HSPG2: variants seen among roughly 807,000 people sequenced by gnomAD.
HSPG2 encodes the protein basement membrane-specific heparan sulfate proteoglycan core protein.
A neutral mutation model predicts 526.6 loss-of-function variants in HSPG2; 278 were observed. That is an observed-to-expected ratio of 0.53 (90% CI 0.48 to 0.58). The LOEUF (loss-of-function observed/expected upper bound fraction) is 0.58. HSPG2 is among the 20% of genes least tolerant of loss of function. The pLI is 0.00. For missense variants in HSPG2, 5,354 were observed against 6,099.5 expected (o/e 0.88, Z 4.07); for synonymous variants, 2,465 against 2,555.4 (o/e 0.96, Z 1.07).
Position 21,823,390 on chromosome 1 carries a change from C to T in HSPG2, c.13102G>A (p.Ala4368Thr), listed in dbSNP as rs770990961. The stretch of plus-strand genomic sequence containing the variant: ...AGGTCCAGGGGCTGTGGGGGCGGGG[C>T]GCCGGGTCGGGCCGAGTGCAGCACC... Reference protein sequence around the residue: ...NLVLHSARPGAPPPQPLDLQH... With the variant: ...NLVLHSARPGTPPPQPLDLQH... The change falls in exon 97 of 97, where the codon GCC becomes ACC. Residue 4368 changes from alanine (A) to threonine (T), a missense_variant. Physicochemically the swap from Ala to Thr is moderately conservative, Grantham distance 58. Coordinates refer to ENST00000374695, the MANE Select transcript of HSPG2 (RefSeq NM_005529.7). 11 of 1,558,622 alleles carry T rather than the reference C, an allele frequency of 7.1e-6. No homozygotes were observed. Among genetic ancestry groups the T allele is most frequent in the Admixed American group, 1.9e-5 (1 of 53,628 alleles).
At position 21,896,243 on chromosome 1, in the gene HSPG2, C is replaced by T. The variant is rs777743489; in HGVS notation, c.131G>A (p.Ser44Asn). Residue 44 changes from serine to asparagine, a missense_variant, in exon 2 of 97, where the codon AGC becomes AAC. By Grantham distance (46) the Ser-to-Asn change is conservative. Coordinates refer to ENST00000374695, the MANE Select transcript of HSPG2 (RefSeq NM_005529.7). ...LPEDIETVTASQMRWTHSYLS... is the reference protein window; with the variant it reads ...LPEDIETVTANQMRWTHSYLS... ...GTACGAATGTGTCCAGCGCATTTGG[C>T]TTGCTGTGACGGTCTCTATGTCCTC... 2 of 1,614,050 alleles carry T rather than the reference C, an allele frequency of 1.2e-6. No individual in the cohort carries two copies. Among genetic ancestry groups the T allele is most frequent in the South Asian group, 2.2e-5 (2 of 91,080 alleles).
At chr1:21,878,308 C>A (rs769360922) in intron 20 of HSPG2, 55 bp from the exon 21 acceptor site, 1 of 1,595,034 alleles carries the variant, frequency 6.3e-7, no homozygotes. Context: ...ATACGTGGTC[C>A]GGGCAGATAG....
rs955232455 is a variant in HSPG2 at position 21,883,915 on chromosome 1, A to G, written c.1654+613T>C. 2.0e-5 allele frequency among the ~76,000 whole-genome samples: 3 copies of G among 152,230 alleles called. No homozygotes were observed. In the South Asian group the frequency reaches 6.2e-4, roughly 32 times the overall value. On this transcript the variant is annotated intron_variant, in intron 13 of 96. Transcript: ENST00000374695. ...TGCCTGCCTCTATCTTTGGGAAAAT[A>G]GGACCAGGGAGGCCAAGAGACTTGC... is the stretch of plus-strand genomic sequence containing the variant.
intron 1 of HSPG2, among the ~76,000 whole-genome samples, chr1:21,921,328 T>C (rs1000213207): frequency 6.6e-5 from 10 of 152,144 alleles, no homozygotes; most frequent in African/African-American, 2.2e-4. Context: ...TTTTCTGTGC[T>C]AGAAGCGGCT....
intron 1 of HSPG2, among the ~76,000 whole-genome samples, chr1:21,918,040 T>G (rs1226624809): frequency 6.6e-6 from 1 of 152,188 alleles, no homozygotes; most frequent in Admixed American, 6.5e-5. Flanking sequence ...CTTACTATGT[T>G]GAACTGAATT....
intron 15 of HSPG2, 26 bp from the exon 16 acceptor site, chr1:21,880,585 G>A: frequency 1.2e-6 from 2 of 1,611,038 alleles, no homozygotes; most frequent in Non-Finnish European, 1.7e-6. Flanking sequence ...GGTGGCAGGG[G>A]TCACACATCA....
At chr1:21,836,239 A>T (rs1037631493) in intron 75 of HSPG2, among the ~76,000 whole-genome samples, 4 of 152,206 alleles carry the variant, frequency 2.6e-5, no homozygotes, top group Non-Finnish European at 1.5e-5. Context: ...TTCCTCCGCT[A>T]ATAATAAATA....
intron 86 of HSPG2, 140 bp from the exon 87 acceptor site, chr1:21,829,744 G>T: frequency 1.3e-6 from 1 of 778,074 alleles, no homozygotes; most frequent in Non-Finnish European, 2.0e-6. Flanking sequence ...ACCAGCTGCA[G>T]TGGCACAGGA....
chr1:21,833,192 C>T, intron 80 of HSPG2, 76 bp downstream of exon 80: 2 of 1,223,318 alleles, frequency 1.6e-6, no homozygotes, highest in Non-Finnish European at 2.4e-6. Context: ...GCCAGGGCTC[C>T]TGCCATGATG....
intron 29 of HSPG2, 73 bp from the exon 30 acceptor site, chr1:21,873,497 C>T: frequency 7.1e-7 from 1 of 1,413,664 alleles, no homozygotes. Flanking sequence ...CTGAGGGCCC[C>T]ATATTGAATT....
At chr1:21,869,789 G>A (rs1640507040) in intron 33 of HSPG2, 1 of 924,694 alleles carries the variant, frequency 1.1e-6, no homozygotes, top group Non-Finnish European at 1.3e-6. Flanking sequence ...CACAAGTGCT[G>A]ATACCTGGCA....
chr1:21,857,274 G>C lies in HSPG2; in HGVS notation c.5394+11C>G. Reference sequence around the variant, plus strand: ...CAGACTTCCTCCATCCCCACTCCCTGACCTGCACACCTTGCTTTTGGCTGT... The same window carrying C: ...CAGACTTCCTCCATCCCCACTCCCTCACCTGCACACCTTGCTTTTGGCTGT... On this transcript the variant is annotated intron_variant, in intron 43 of 96. Transcript: ENST00000374695. 1.2e-6 allele frequency: 2 copies of C among 1,613,956 alleles called. No individual in the cohort carries two copies. The highest frequency in any genetic ancestry group is 1.7e-6 in the Non-Finnish European group (2 of 1,179,878).
At chr1:21,835,031 G>A (rs576085689) in intron 76 of HSPG2, 86 bp from the exon 77 acceptor site, 9 of 1,442,876 alleles carry the variant, frequency 6.2e-6, no homozygotes, top group Admixed American at 1.7e-5. Flanking sequence ...AAGGAAAGGT[G>A]AGCACTGAAG....
In HSPG2 at chr1:21,904,143, C is replaced by T. The variant is rs1643246347; in HGVS notation, c.64-7833G>A. Among the ~76,000 whole-genome samples, 1 of 152,144 alleles carries T rather than the reference C, an allele frequency of 6.6e-6. No homozygotes were observed. The highest frequency in any genetic ancestry group is 1.5e-5 in the Non-Finnish European group (1 of 68,040). On this transcript the variant is annotated intron_variant, in intron 1 of 96. Transcript: ENST00000374695. The surrounding 1 kb of genome is among the most constrained non-coding windows in gnomAD (Gnocchi z 4.4). Reference sequence around the variant, plus strand: ...GCCACGGAACCACGTGCTGGCAACACCGTGCGAAGAGAGTGCTGAAGGGGA... The same window carrying T: ...GCCACGGAACCACGTGCTGGCAACATCGTGCGAAGAGAGTGCTGAAGGGGA...
rs12032063 is a variant in HSPG2, at chr1:21,853,366, C to A, written c.6440-296G>T. Among the ~76,000 whole-genome samples the A allele has an allele frequency of 0.13, 20,429 of 152,220 alleles. 1,663 individuals carry two copies. Among genetic ancestry groups the A allele is most frequent in the South Asian group, 0.28 (1,336 of 4,822 alleles). ...ACTACCCAGGCTGCGCCCAAGGATG[C>A]GGATGACAGTGAGACACCTCCCTTC... On this transcript the variant is annotated intron_variant, in intron 50 of 96. Transcript: ENST00000374695.
rs867656518 is a variant in HSPG2 at position 21,844,299 on chromosome 1, G to T, written c.8465C>A (p.Ala2822Asp). The T allele has an allele frequency of 1.9e-6, 3 of 1,611,806 alleles. No homozygotes were observed. Among genetic ancestry groups the T allele is most frequent in the African/African-American group, 2.7e-5 (2 of 74,924 alleles). ...GCGGATGGGTGGGGCTCCACCTGGG[G>T]CTGGGGCACAGGGGAGAGGTCAGTG... ...ASGSSAVHVP[A>D]PGGAPPIRIE... Residue 2822 changes from alanine (A) to aspartate (D), a missense_variant and splice_region_variant, in exon 65 of 97, where the codon GCC (alanine) becomes GAC (aspartate). Transcript: ENST00000374695.
Position 21,884,904 on chromosome 1 carries a change from CTGGTCACTGTCACCCTGGT to C in HSPG2, c.1356-5_1369del. ...GATCAGTGTGCCACGGCCACCCTCGCTGGTCACTGTCACCCTGGTGAGCCCCAAGACAAGTGGTAGGATC... is the reference window on the plus strand; with the variant it reads ...GATCAGTGTGCCACGGCCACCCTCGCGAGCCCCAAGACAAGTGGTAGGATC... On this transcript the variant is annotated splice_acceptor_variant and splice_polypyrimidine_tract_variant and coding_sequence_variant and intron_variant, in exon 12 of 97. Coordinates refer to ENST00000374695, the MANE Select transcript of HSPG2 (RefSeq NM_005529.7). LOFTEE classifies it high-confidence loss of function. The C allele has an allele frequency of 6.2e-7, 1 of 1,614,048 alleles. No homozygotes were observed.
In HSPG2 at chr1:21,828,373, C is replaced by G. The variant is rs2097986142; in HGVS notation, c.12291G>C (p.Gln4097His). Residue 4097 changes from glutamine to histidine, a missense_variant, in exon 89 of 97, where the codon CAG becomes CAC. By Grantham distance (24) the Gln-to-His change is conservative (BLOSUM62 0). Transcript: ENST00000374695. The surrounding 1 kb of genome is among the most constrained non-coding windows in gnomAD (Gnocchi z 6.0). ...LDLTYSFLGS[Q>H]GIGQCYDSSP... ...AGCTATCATAGCATTGCCCGATGCC[C>G]TGGCTGCCTAGGAAACTGTAGGTGA... is the stretch of plus-strand genomic sequence containing the variant. The G allele has an allele frequency of 6.2e-7, 1 of 1,613,748 alleles. No individual in the cohort carries two copies.
At chr1:21,846,707 A>G (rs1325495492) in intron 62 of HSPG2, 108 bp from the exon 63 acceptor site, 4 of 1,295,644 alleles carry the variant, frequency 3.1e-6, no homozygotes, top group Admixed American at 3.5e-5. Flanking sequence ...TAACACTAAT[A>G]GTTAACACTT....
Sources: gnomAD v4.1 joint callset for allele counts (sites outside exome capture counted in the v4.1 genomes callset) on GRCh38, gnomAD v4.1.1 for gene constraint, Gnocchi (gnomAD v3.1) non-coding constraint, MANE v1.5 for transcripts, NCBI Gene and HGNC (gene_info 2026-07-23, HGNC 2026-07-21) for gene names.